DNAJC18: variants seen among roughly 807,000 people sequenced by gnomAD.
DNAJC18 encodes DnaJ heat shock protein family (Hsp40) member C18.
In DNAJC18, 40 loss-of-function variants were observed where a neutral mutation model predicts 48.6. The ratio of observed to expected loss-of-function variants is 0.82; its 90% CI spans 0.64 to 1.07. DNAJC18 has a LOEUF of 1.07. DNAJC18 is among the 50% of genes least tolerant of loss of function. DNAJC18 has a pLI of 0.00. For synonymous variants in DNAJC18, 135 were observed against 152.2 expected (o/e 0.89, Z 0.83); for missense variants, 340 against 427.7 (o/e 0.79, Z 1.81).
At chr5:139,421,936 G>T (rs868161583) in intron 6 of DNAJC18, among the ~76,000 whole-genome samples, 3 of 151,846 alleles carry the variant, frequency 2.0e-5, no homozygotes, top group South Asian at 2.1e-4. Flanking sequence ...CTTTTAAAAG[G>T]TTTTTTTCCC....
At chr5:139,429,136 T>C (rs904464722) in intron 2 of DNAJC18, among the ~76,000 whole-genome samples, 2 of 145,820 alleles carry the variant, frequency 1.4e-5, no homozygotes, top group East Asian at 2.0e-4. Context: ...TGGGCTGGAG[T>C]GCAATGGCGC....
At chr5:139,431,467 T>C (rs1759328395) in intron 2 of DNAJC18, among the ~76,000 whole-genome samples, 1 of 152,224 alleles carries the variant, frequency 6.6e-6, no homozygotes. Flanking sequence ...ATGTAGCTTT[T>C]TGTATCTGGC....
At position 139,425,070 on chromosome 5, in the gene DNAJC18, A is replaced by G. The variant is rs759041625; in HGVS notation, c.604T>C (p.Tyr202His). 7 of 1,613,270 alleles carry G rather than the reference A, an allele frequency of 4.3e-6. No individual in the cohort carries two copies. The Admixed American group carries it at 8.3e-5, about 19-fold the overall frequency. ...CTCTCATGTCGGTGCCGTCGACGGT[A>G]ATAGTAAGTGTCATCTGTCACATTT... Reference protein sequence around the residue: ...FSNVTDDTYYYRRRHRHERTQ... With the variant: ...FSNVTDDTYYHRRRHRHERTQ... Residue 202 changes from tyrosine (Y) to histidine (H), a missense_variant, in exon 5 of 8, where the codon TAC becomes CAC. By Grantham distance (83) the Tyr-to-His change is moderately conservative. Coordinates refer to ENST00000302060, the MANE Select transcript of DNAJC18 (RefSeq NM_152686.4).
In DNAJC18 at chr5:139,426,870, A is replaced by C. The variant is rs541569531; in HGVS notation, c.374-513T>G. On this transcript the variant is annotated intron_variant, in intron 3 of 7. Coordinates refer to ENST00000302060, the MANE Select transcript of DNAJC18 (RefSeq NM_152686.4). ...ACTTTGTCACACACACACACACACA[A>C]AGAGTGCTCTTTACTTTAAAAAAAA... is the stretch of plus-strand genomic sequence containing the variant. 8.5e-5 allele frequency among the ~76,000 whole-genome samples: 13 copies of C among 152,072 alleles called. No homozygotes were observed. In the East Asian group the frequency reaches 1.7e-3, roughly 20 times the overall value.
chr5:139,432,754 C>T (rs1759350378), intron 2 of DNAJC18, among the ~76,000 whole-genome samples: 1 of 152,224 alleles, frequency 6.6e-6, no homozygotes, highest in South Asian at 2.1e-4. Flanking sequence ...TCTTGCTGTA[C>T]AACCAAAAGG....
chr5:139,433,892 G>C (rs1230728942), intron 2 of DNAJC18, among the ~76,000 whole-genome samples: 2 of 152,144 alleles, frequency 1.3e-5, no homozygotes, highest in African/African-American at 4.8e-5. Context: ...AGATGGTGAT[G>C]ATGATGATTA....
In DNAJC18 at chr5:139,426,912, G is replaced by T. The variant is rs1220543026; in HGVS notation, c.374-555C>A. Among the ~76,000 whole-genome samples, 3 of 152,120 alleles carry T rather than the reference G, an allele frequency of 2.0e-5. No individual in the cohort carries two copies. In the East Asian group the frequency reaches 5.8e-4, roughly 29 times the overall value. ...TAAAAAAAATTTTTTTAGAGATAGG[G>T]TCTTGCTGCATTGCCCAGACTAGTC... On this transcript the variant is annotated intron_variant, in intron 3 of 7. Transcript: ENST00000302060.
Position 139,417,321 on chromosome 5 carries a change from G to A in DNAJC18, c.952+2732C>T, listed in dbSNP as rs568732939. ...AAAAACAGTTTGCATTTGGTATTTT[G>A]CCAAGAGTGAACTTTGTTCTCAAGT... is the stretch of plus-strand genomic sequence containing the variant. On this transcript the variant is annotated intron_variant, in intron 7 of 7. Transcript: ENST00000302060. Among the ~76,000 whole-genome samples, 61 of 152,062 alleles carry A rather than the reference G, an allele frequency of 4.0e-4. 1 individual carries two copies. The highest frequency in any genetic ancestry group is 7.1e-4 in the Non-Finnish European group (48 of 68,002).
intron 2 of DNAJC18, among the ~76,000 whole-genome samples, chr5:139,436,278 T>C (rs560603189): frequency 1.3e-5 from 2 of 149,656 alleles, no homozygotes; most frequent in Non-Finnish European, 3.0e-5. Context: ...TTAGAGATAA[T>C]GTATTGCTGT....
At chr5:139,414,296 A>G (rs375386059) in intron 7 of DNAJC18, 24 bp from the exon 8 acceptor site, 114 of 1,601,292 alleles carry the variant, frequency 7.1e-5, no homozygotes, top group Non-Finnish European at 8.7e-5. Flanking sequence ...GAGGTAACCA[A>G]TTCATCAAGA....
intron 7 of DNAJC18, among the ~76,000 whole-genome samples, chr5:139,415,593 C>G (rs1045966023): frequency 6.6e-6 from 1 of 152,208 alleles, no homozygotes; most frequent in African/African-American, 2.4e-5. Flanking sequence ...CCAGGGCTTG[C>G]CTTGGCACAG....
At position 139,437,564 on chromosome 5, in the gene DNAJC18, A is replaced by G. The variant is rs1363566328; in HGVS notation, c.41-6T>C. 3 of 1,608,864 alleles carry G rather than the reference A, an allele frequency of 1.9e-6. No individual in the cohort carries two copies. Among genetic ancestry groups the G allele is most frequent in the Non-Finnish European group, 2.5e-6 (3 of 1,178,186 alleles). On this transcript the variant is annotated splice_polypyrimidine_tract_variant and splice_region_variant and intron_variant, in intron 1 of 7. Coordinates refer to ENST00000302060, the MANE Select transcript of DNAJC18 (RefSeq NM_152686.4). The stretch of plus-strand genomic sequence containing the variant: ...TCTAACTGCGTCAATGTAAGCTGCA[A>G]ACAACAGCCCCTCCATTAGGTCTCC...
intron 2 of DNAJC18, among the ~76,000 whole-genome samples, chr5:139,436,587 T>C (rs574592258): frequency 1.4e-5 from 2 of 147,602 alleles, no homozygotes; most frequent in East Asian, 4.0e-4. Context: ...CACTGTAGCT[T>C]CAACCTACTG....
rs894599293 is a variant in DNAJC18 at position 139,410,636 on chromosome 5, C to T, written c.*3512G>A. 3.3e-5 allele frequency: 5 copies of T among 152,212 alleles called. No homozygotes were observed. The highest frequency in any genetic ancestry group is 1.3e-4 in the Admixed American group (2 of 15,282). The allele number at this position is 152,212 out of a possible 1,614,324, so 9.4% of individuals were successfully genotyped here. ...GGTGTGGCCAGCTGTAACAGAAAGC[C>T]ACTGGAACGGCACAGTGCCTCCTCA... is the stretch of plus-strand genomic sequence containing the variant. On this transcript the variant is annotated 3_prime_UTR_variant, in exon 8 of 8. Transcript: ENST00000302060.
chr5:139,420,453 T>A (rs890882946), intron 6 of DNAJC18: 1 of 496,520 alleles, frequency 2.0e-6, no homozygotes, highest in African/African-American at 2.0e-5. Context: ...TCAGCATAGT[T>A]TATTCTCTTA....
chr5:139,410,504 A>T lies in DNAJC18; in HGVS notation c.*3644T>A, dbSNP rs1758978303. 6.6e-6 allele frequency: 1 copy of T among 152,238 alleles called. No homozygotes were observed. Among genetic ancestry groups the T allele is most frequent in the Non-Finnish European group, 1.5e-5 (1 of 68,044 alleles). The allele number at this position is 152,238 out of a possible 1,614,324, so 9.4% of individuals were successfully genotyped here. On this transcript the variant is annotated 3_prime_UTR_variant, in exon 8 of 8. Transcript: ENST00000302060. ...GTAACTTGGCCCTTTCCAAAAATAA[A>T]TATATTAGGACACTAAGCTTATACC...
At position 139,410,372 on chromosome 5, in the gene DNAJC18, A is replaced by C. The variant is rs1758976888; in HGVS notation, c.*3776T>G. On this transcript the variant is annotated 3_prime_UTR_variant, in exon 8 of 8. Transcript: ENST00000302060. Reference sequence around the variant, plus strand: ...AACATTCACATCTTTAATTCCAAATACTGAGCGTGATGTAAATGATGTAAT... The same window carrying C: ...AACATTCACATCTTTAATTCCAAATCCTGAGCGTGATGTAAATGATGTAAT... 6.6e-6 allele frequency: 1 copy of C among 152,126 alleles called. No individual in the cohort carries two copies. Among genetic ancestry groups the C allele is most frequent in the Non-Finnish European group, 1.5e-5 (1 of 68,018 alleles). The allele number at this position is 152,126 out of a possible 1,614,324, so 9.4% of individuals were successfully genotyped here.
chr5:139,434,076 A>G (rs987713956), intron 2 of DNAJC18, among the ~76,000 whole-genome samples: 3 of 151,916 alleles, frequency 2.0e-5, no homozygotes, highest in Admixed American at 6.6e-5. Flanking sequence ...TTTTTAGTAG[A>G]GACGGAGTTT....
intron 6 of DNAJC18, among the ~76,000 whole-genome samples, chr5:139,421,393 G>A (rs1759150146): frequency 6.6e-6 from 1 of 152,136 alleles, no homozygotes; most frequent in Non-Finnish European, 1.5e-5. Context: ...GGATTACAGT[G>A]AGCCAAGATT....
Sources: gnomAD v4.1 joint callset for allele counts (sites outside exome capture counted in the v4.1 genomes callset) on GRCh38, gnomAD v4.1.1 for gene constraint, MANE v1.5 for transcripts, NCBI Gene and HGNC (gene_info 2026-07-23, HGNC 2026-07-21) for gene names.